Variants in CSMD2 observed in about 807,000 individuals in gnomAD.
CSMD2 encodes the protein CUB and Sushi multiple domains 2.
A neutral mutation model predicts 398.5 loss-of-function variants in CSMD2; 130 were observed. That is an observed-to-expected ratio of 0.33 (90% CI 0.28 to 0.38). The LOEUF is 0.38. CSMD2 is among the 10% of genes least tolerant of loss of function. The pLI, the probability that CSMD2 is intolerant of heterozygous loss-of-function variation, is 1.00. For missense variants in CSMD2, 3,829 were observed against 4,764.9 expected, an observed-to-expected ratio of 0.80 and a Z score of 5.78; for synonymous variants, 1,828 against 1,908.5, an observed-to-expected ratio of 0.96 and a Z score of 1.10.
intron 1 of CSMD2, among the ~76,000 whole-genome samples, chr1:34,150,787 G>T (rs1001652171): frequency 6.6e-6 from 1 of 152,162 alleles, no homozygotes; most frequent in Admixed American, 6.5e-5. Context: ...AAGGGTGGTG[G>T]CATGTGCCTA....
chr1:33,724,250 A>G lies in CSMD2; in HGVS notation c.2948T>C (p.Phe983Ser). 6.2e-7 allele frequency: 1 copy of G among 1,614,030 alleles called. No individual in the cohort carries two copies. Among genetic ancestry groups the G allele is most frequent in the Non-Finnish European group, 8.5e-7 (1 of 1,179,982 alleles). The change falls in exon 19 of 71, where the codon TTC becomes TCC. Residue 983 changes from phenylalanine to serine, a missense_variant. By Grantham distance (155) the Phe-to-Ser change is radical (BLOSUM62 -2). This residue lies in a region of CSMD2 where 2,001 missense variants were observed against 2,567.1 expected (regional missense o/e 0.78). Coordinates refer to ENST00000373381, the MANE Select transcript of CSMD2 (RefSeq NM_001281956.2). ...GTILSPGFPD[F>S]YPNNLNCTWI... ...GGTGCAGTTCAAGTTGTTGGGGTAGAAGTCAGGGAACCCTGGCGACAAGAT... is the reference window on the plus strand; with the variant it reads ...GGTGCAGTTCAAGTTGTTGGGGTAGGAGTCAGGGAACCCTGGCGACAAGAT...
At chr1:33,767,623 A>G (rs1422386009) in intron 13 of CSMD2, among the ~76,000 whole-genome samples, 1 of 152,246 alleles carries the variant, frequency 6.6e-6, no homozygotes, top group Non-Finnish European at 1.5e-5. Context: ...AGATGGATAA[A>G]TAAATGAACG....
At chr1:33,896,466 A>G (rs1642393941) in intron 5 of CSMD2, among the ~76,000 whole-genome samples, 1 of 152,094 alleles carries the variant, frequency 6.6e-6, no homozygotes, top group South Asian at 2.1e-4. Context: ...CACAAGTACA[A>G]CTATTTTTAC....
chr1:33,712,646 T>A (rs1330131387), intron 21 of CSMD2, among the ~76,000 whole-genome samples: 1 of 152,204 alleles, frequency 6.6e-6, no homozygotes, highest in Non-Finnish European at 1.5e-5. Flanking sequence ...TGTAATGAGA[T>A]CAATGAGGCA....
chr1:33,677,169 AG>A (rs1321325447), intron 25 of CSMD2, among the ~76,000 whole-genome samples: 1 of 152,198 alleles, frequency 6.6e-6, no homozygotes, highest in Non-Finnish European at 1.5e-5. Context: ...CAGAGTGAAC[AG>A]GCAACCTACA....
At chr1:33,725,558 G>A in intron 16 of CSMD2, 22 bp from the exon 17 acceptor site, 2 of 1,610,918 alleles carry the variant, frequency 1.2e-6, no homozygotes, top group Non-Finnish European at 1.7e-6. Flanking sequence ...CAGAAATGAA[G>A]CCTTCTTGAG....
chr1:33,934,425 G>A (rs1644404817), intron 4 of CSMD2, among the ~76,000 whole-genome samples: 1 of 152,228 alleles, frequency 6.6e-6, no homozygotes, highest in Non-Finnish European at 1.5e-5. Flanking sequence ...GAGTAAATGA[G>A]AAGGGAAAAG....
chr1:34,080,176 T>C (rs532773551), intron 2 of CSMD2, among the ~76,000 whole-genome samples: 2 of 150,378 alleles, frequency 1.3e-5, no homozygotes, highest in Admixed American at 1.3e-4. Context: ...ATTTTCATAT[T>C]GGAAATATAT....
At chr1:33,632,190 A>G (rs1040161171) in intron 32 of CSMD2, among the ~76,000 whole-genome samples, 5 of 152,096 alleles carry the variant, frequency 3.3e-5, no homozygotes, top group Non-Finnish European at 1.5e-5. Context: ...TGATGAAACT[A>G]AGAAGTGAAA....
At position 33,635,216 on chromosome 1, in the gene CSMD2, T is replaced by C; in HGVS notation, c.5084A>G (p.Tyr1695Cys). ...CLYFVTVPKD[Y>C]VVFGQFAFFH... ...ACAACAACAACCAAAACCCATACCA[T>C]AGTCCTTGGGCACAGTAACAAAATA... The change falls in exon 31 of 71, where the codon TAT (tyrosine) becomes TGT (cysteine). Residue 1695 changes from tyrosine (Y) to cysteine (C), a missense_variant and splice_region_variant. Physicochemically the swap from Tyr to Cys is radical, Grantham distance 194 (BLOSUM62 -2). This residue lies in a region of CSMD2 where 2,001 missense variants were observed against 2,567.1 expected (regional missense o/e 0.78). Transcript: ENST00000373381. The surrounding 1 kb of genome is among the most constrained non-coding windows in gnomAD (Gnocchi z 5.0). 1 of 1,597,090 alleles carries C rather than the reference T, an allele frequency of 6.3e-7. No homozygotes were observed. Among genetic ancestry groups the C allele is most frequent in the Non-Finnish European group, 8.6e-7 (1 of 1,165,172 alleles).
At chr1:34,116,703 T>A (rs1392615665) in intron 1 of CSMD2, among the ~76,000 whole-genome samples, 1 of 152,068 alleles carries the variant, frequency 6.6e-6, no homozygotes, top group Non-Finnish European at 1.5e-5. Context: ...TCTTCTCAAG[T>A]GCGTATGAAA....
chr1:33,788,626 G>A lies in CSMD2; in HGVS notation c.1637C>T (p.Ser546Phe), dbSNP rs1375628081. 2 of 1,612,434 alleles carry A rather than the reference G, an allele frequency of 1.2e-6. No homozygotes were observed. Among genetic ancestry groups the A allele is most frequent in the Non-Finnish European group, 1.7e-6 (2 of 1,178,490 alleles). The change falls in exon 12 of 71, where the codon TCC becomes TTC. Residue 546 changes from serine to phenylalanine, a missense_variant. Around this residue, in one of 5 missense-constraint regions of CSMD2, gnomAD observed 2,001 missense variants for 2,567.1 expected, o/e 0.78. Transcript: ENST00000373381. ...TTCATAAGAAGCCTTGAATCCCAGG[G>A]AACTGCCACTGCCATCAGTCTGGAA... ...LLFQTDGSGSSLGFKASYEEI... is the reference protein window; with the variant it reads ...LLFQTDGSGSFLGFKASYEEI...
intron 49 of CSMD2, among the ~76,000 whole-genome samples, 198 bp from the exon 50 acceptor site, chr1:33,572,889 G>A (rs1182813924): frequency 6.6e-6 from 1 of 151,992 alleles, no homozygotes; most frequent in Non-Finnish European, 1.5e-5. Flanking sequence ...TTTGGAAGAA[G>A]GAATAAAGAT....
At chr1:33,864,188 G>A (rs760030452) in intron 5 of CSMD2, 1 of 1,590,500 alleles carries the variant, frequency 6.3e-7, no homozygotes, top group Non-Finnish European at 8.5e-7. Flanking sequence ...GTGAACTTAC[G>A]AACATGGGAA....
chr1:33,716,295 T>G lies in CSMD2; in HGVS notation c.3208A>C (p.Thr1070Pro). Residue 1070 changes from threonine (T) to proline (P), a missense_variant, in exon 20 of 71, where the codon ACC (threonine) becomes CCC (proline). By Grantham distance (38) the Thr-to-Pro change is conservative. Transcript: ENST00000373381. ...FSMSYEGFNI[T>P]FSEYDLEPCE... ...CCCTCATACTCTTTACCTGAGAAGG[T>G]GATGTTGAATCCTTCATATGACATG... The G allele has an allele frequency of 6.2e-7, 1 of 1,613,640 alleles. No homozygotes were observed. Among genetic ancestry groups the G allele is most frequent in the Non-Finnish European group, 8.5e-7 (1 of 1,179,660 alleles).
At chr1:33,997,608 C>T (rs949408235) in intron 3 of CSMD2, among the ~76,000 whole-genome samples, 6 of 152,074 alleles carry the variant, frequency 3.9e-5, no homozygotes, top group African/African-American at 1.4e-4. Flanking sequence ...CATGCTGTTG[C>T]TTTTAGGTCT....
At chr1:33,833,519 T>A (rs1659857591) in intron 6 of CSMD2, among the ~76,000 whole-genome samples, 1 of 145,434 alleles carries the variant, frequency 6.9e-6, no homozygotes, top group South Asian at 2.4e-4. Flanking sequence ...ATAAGAGCTA[T>A]CTATGACAAA....
intron 57 of CSMD2, among the ~76,000 whole-genome samples, chr1:33,545,486 C>T (rs916815572): frequency 2.0e-5 from 3 of 152,148 alleles, no homozygotes; most frequent in Admixed American, 6.5e-5. Flanking sequence ...TGTGTGTCTC[C>T]GTCTGTTCAG....
intron 1 of CSMD2, among the ~76,000 whole-genome samples, chr1:34,118,302 G>C (rs938537471): frequency 6.6e-6 from 1 of 152,140 alleles, no homozygotes; most frequent in African/African-American, 2.4e-5. Context: ...AAGGCCCATA[G>C]CTAACATTAT....
Sources: gnomAD v4.1 joint callset for allele counts (sites outside exome capture counted in the v4.1 genomes callset) on GRCh38, gnomAD v4.1.1 for gene constraint, gnomAD v4.1.1 regional missense constraint, Gnocchi (gnomAD v3.1) non-coding constraint, MANE v1.5 for transcripts, NCBI Gene and HGNC (gene_info 2026-07-23, HGNC 2026-07-21) for gene names.